Variants in ASAP1 observed in about 807,000 individuals in gnomAD.
ASAP1 encodes the protein arf-GAP with SH3 domain, ANK repeat and PH domain-containing protein 1.
A neutral mutation model predicts 145.2 loss-of-function variants in ASAP1; 43 were observed. The ratio of observed to expected loss-of-function variants is 0.30; its 90% confidence interval spans 0.23 to 0.38. The LOEUF (loss-of-function observed/expected upper bound fraction) is 0.38, where lower values mean the gene tolerates loss of function less well. Among genes scored for constraint, ASAP1 ranks in the 10% least tolerant of loss-of-function variants. The pLI is 1.00. For synonymous variants in ASAP1, 546 were observed against 515.5 expected (o/e 1.06, Z -0.80); for missense variants, 1,018 against 1,355.3 (o/e 0.75, Z 3.91).
intron 3 of ASAP1, among the ~76,000 whole-genome samples, chr8:130,322,083 TC>T (rs1376619001): frequency 6.6e-6 from 1 of 152,180 alleles, no homozygotes; most frequent in Non-Finnish European, 1.5e-5. Flanking sequence ...CGGTTCTTCA[TC>T]TCTAGAGATT....
chr8:130,108,955 A>G (rs2097542251), intron 24 of ASAP1, among the ~76,000 whole-genome samples: 1 of 151,650 alleles, frequency 6.6e-6, no homozygotes, highest in Non-Finnish European at 1.5e-5. Context: ...TTGTATTTTT[A>G]GTAGAGACGG....
chr8:130,362,024 T>C (rs1826738352), intron 2 of ASAP1, among the ~76,000 whole-genome samples: 1 of 151,930 alleles, frequency 6.6e-6, no homozygotes, highest in Admixed American at 6.6e-5. Context: ...TCTAACACCA[T>C]GATTATGGCA....
intron 11 of ASAP1, among the ~76,000 whole-genome samples, chr8:130,163,287 C>A (rs6992421): frequency 0.017 from 2,655 of 152,276 alleles, 36 homozygotes; most frequent in East Asian, 0.053. Context: ...AGGATTCAGA[C>A]ACTAACAACT....
intron 11 of ASAP1, among the ~76,000 whole-genome samples, chr8:130,165,528 G>C (rs1211349618): frequency 1.3e-5 from 2 of 152,182 alleles, no homozygotes; most frequent in African/African-American, 4.8e-5. Flanking sequence ...GCATATCTGT[G>C]CTTCAGTCTG....
intron 3 of ASAP1, among the ~76,000 whole-genome samples, chr8:130,295,829 T>C (rs1174046859): frequency 6.6e-6 from 1 of 152,178 alleles, no homozygotes; most frequent in Non-Finnish European, 1.5e-5. Context: ...ATATCAGAAA[T>C]CTTTTTGGAC....
At chr8:130,372,938 A>G (rs1452758255) in intron 2 of ASAP1, among the ~76,000 whole-genome samples, 1 of 151,728 alleles carries the variant, frequency 6.6e-6, no homozygotes, top group Non-Finnish European at 1.5e-5. Context: ...ACACACACGC[A>G]TACACAAATA....
At chr8:130,307,163 C>T (rs1018766133) in intron 3 of ASAP1, among the ~76,000 whole-genome samples, 1 of 152,190 alleles carries the variant, frequency 6.6e-6, no homozygotes, top group African/African-American at 2.4e-5. Context: ...ATCTGTCTCC[C>T]TCTACAATGT....
chr8:130,371,612 A>C (rs991912998), intron 2 of ASAP1, among the ~76,000 whole-genome samples: 2 of 151,754 alleles, frequency 1.3e-5, no homozygotes, highest in African/African-American at 4.8e-5. Context: ...CTGGAAGAGG[A>C]CTCCTGTTAT....
intron 5 of ASAP1, among the ~76,000 whole-genome samples, chr8:130,212,861 G>A (rs1000083451): frequency 6.6e-6 from 1 of 152,216 alleles, no homozygotes; most frequent in Non-Finnish European, 1.5e-5. Flanking sequence ...CAGGAACCTT[G>A]GAGGTGATGA....
chr8:130,420,536 G>A (rs1450396561), intron 1 of ASAP1, among the ~76,000 whole-genome samples: 7 of 152,086 alleles, frequency 4.6e-5, no homozygotes, highest in Non-Finnish European at 4.4e-5. Context: ...ATCAGCCAAG[G>A]AATGGAATGG....
At chr8:130,105,223 T>C (rs2097534988) in intron 24 of ASAP1, among the ~76,000 whole-genome samples, 3 of 152,180 alleles carry the variant, frequency 2.0e-5, no homozygotes, top group Admixed American at 6.5e-5. Context: ...CCAACAACAA[T>C]AACAACAAAC....
chr8:130,415,729 A>G (rs908327149), intron 1 of ASAP1, among the ~76,000 whole-genome samples: 8 of 150,328 alleles, frequency 5.3e-5, no homozygotes, highest in Non-Finnish European at 1.0e-4. Flanking sequence ...CGGAGGTTGC[A>G]GTGAGCCAAG....
In ASAP1 at chr8:130,052,745, T is replaced by TG. The variant is rs1321163074; in HGVS notation, c.*1985_*1986insC. On this transcript the variant is annotated 3_prime_UTR_variant, in exon 30 of 30. Transcript: ENST00000518721. ...TTTTTTTTTGTTTTTGTTTTTTTTT[T>TG]TTTTTTGAAAAAAACCAGTTTATTT... is the stretch of plus-strand genomic sequence containing the variant. 2.6e-5 allele frequency: 4 copies of TG among 151,124 alleles called. No homozygotes were observed. Among genetic ancestry groups the TG allele is most frequent in the Admixed American group, 6.6e-5 (1 of 15,230 alleles). 9.4% of individuals were successfully genotyped at this position (151,124 alleles called of 1,614,324 possible). A position where few individuals can be genotyped will look rare whatever the true frequency, so the allele number is the denominator to read the frequency against.
At chr8:130,314,741 G>A (rs1334605618) in intron 3 of ASAP1, among the ~76,000 whole-genome samples, 4 of 152,226 alleles carry the variant, frequency 2.6e-5, no homozygotes, top group African/African-American at 4.8e-5. Context: ...TGGTGCAAAC[G>A]AAAGGGAGCT....
At position 130,093,686 on chromosome 8, in the gene ASAP1, A is replaced by AAAAAAAG. The variant is rs767063471; in HGVS notation, c.2402-1544_2402-1543insCTTTTTT. 5.1e-3 allele frequency among the ~76,000 whole-genome samples: 668 copies of AAAAAAAG among 131,810 alleles called. 23 individuals are homozygous for AAAAAAAG. The highest frequency in any genetic ancestry group is 0.02 in the African/African-American group (623 of 30,404). The allele number at this position is 131,810 out of a possible 152,430, so 86.5% of individuals were successfully genotyped here. On this transcript the variant is annotated intron_variant, in intron 24 of 29. Transcript: ENST00000518721. ...CGTCTCAAAAAAAAAAAAAAAAAAA[A>AAAAAAAG]AAAGAAAGCTAAGAACACTGCCACA...
At chr8:130,353,928 C>T (rs1218315824) in intron 3 of ASAP1, among the ~76,000 whole-genome samples, 1 of 152,002 alleles carries the variant, frequency 6.6e-6, no homozygotes, top group Non-Finnish European at 1.5e-5. Flanking sequence ...GCTCTGTCGC[C>T]CAGGCTGGAG....
intron 25 of ASAP1, among the ~76,000 whole-genome samples, chr8:130,085,224 T>C (rs2097490008): frequency 6.6e-6 from 1 of 152,184 alleles, no homozygotes; most frequent in South Asian, 2.1e-4. Flanking sequence ...TAACAATTAG[T>C]TGTATTTCTC....
At chr8:130,294,725 G>A (rs545180265) in intron 3 of ASAP1, among the ~76,000 whole-genome samples, 15 of 152,114 alleles carry the variant, frequency 9.9e-5, no homozygotes, top group Non-Finnish European at 2.2e-4. Context: ...TGAAAACAGA[G>A]AATTATTTTA....
intron 2 of ASAP1, among the ~76,000 whole-genome samples, chr8:130,393,265 G>A (rs1828370391): frequency 6.6e-6 from 1 of 152,186 alleles, no homozygotes; most frequent in Non-Finnish European, 1.5e-5. Flanking sequence ...GGAAAATCAT[G>A]AGGAAATGTT....
Sources: gnomAD v4.1 joint callset for allele counts (sites outside exome capture counted in the v4.1 genomes callset) on GRCh38, gnomAD v4.1.1 for gene constraint, MANE v1.5 for transcripts, NCBI Gene and HGNC (gene_info 2026-07-23, HGNC 2026-07-21) for gene names.